Variants in PSD3 observed in about 807,000 individuals in gnomAD.
PSD3 encodes pleckstrin and Sec7 domain containing 3.
A neutral mutation model predicts 105.5 loss-of-function variants in PSD3; 49 were observed. The observed-to-expected ratio is 0.46, with a 90% confidence interval of 0.37 to 0.59. PSD3 has a LOEUF of 0.59. Ranked by LOEUF, PSD3 falls within the 20% of genes least tolerant of loss-of-function variation. The pLI, the probability that PSD3 is intolerant of heterozygous loss-of-function variation, is 0.00. For synonymous variants in PSD3, 557 were observed against 457.8 expected, an observed-to-expected ratio of 1.22 and a Z score of -2.77; for missense variants, 1,561 against 1,263.8, an observed-to-expected ratio of 1.24 and a Z score of -3.57.
chr8:18,558,229 A>C (rs994890845), intron 14 of PSD3, among the ~76,000 whole-genome samples: 1 of 152,192 alleles, frequency 6.6e-6, no homozygotes, highest in African/African-American at 2.4e-5. Flanking sequence ...TTTCTTTCAA[A>C]GTTGTTTTCC....
chr8:18,889,241 ACTC>A (rs1818631306), intron 2 of PSD3, among the ~76,000 whole-genome samples: 1 of 151,452 alleles, frequency 6.6e-6, no homozygotes. Flanking sequence ...GCCATCTTCA[ACTC>A]CTCAATTGTT....
At chr8:18,936,541 A>T (rs1317891823) in intron 1 of PSD3, among the ~76,000 whole-genome samples, 7 of 152,272 alleles carry the variant, frequency 4.6e-5, no homozygotes, top group Admixed American at 3.9e-4. Context: ...AAGCAGGTGG[A>T]TCACGATGTC....
chr8:18,732,756 C>G (rs1803859800), intron 9 of PSD3: 1 of 152,238 alleles, frequency 6.6e-6, no homozygotes, highest in South Asian at 2.1e-4. Context: ...ACTCTACACT[C>G]CTGATGAATG....
intron 1 of PSD3, among the ~76,000 whole-genome samples, chr8:18,996,345 T>C (rs1826079062): frequency 6.6e-6 from 1 of 151,928 alleles, no homozygotes; most frequent in Non-Finnish European, 1.5e-5. Flanking sequence ...CCATGCATAT[T>C]GCATAACTAT....
intron 9 of PSD3, among the ~76,000 whole-genome samples, chr8:18,674,453 T>C (rs542177786): frequency 1.3e-5 from 2 of 152,348 alleles, no homozygotes; most frequent in Admixed American, 1.3e-4. Flanking sequence ...TCTCATTCTT[T>C]GGGTCCTTGA....
At chr8:18,936,854 G>T (rs1822172008) in intron 1 of PSD3, among the ~76,000 whole-genome samples, 1 of 151,868 alleles carries the variant, frequency 6.6e-6, no homozygotes, top group Non-Finnish European at 1.5e-5. Flanking sequence ...ATTTCTTTGT[G>T]TGGCTTCTGT....
chr8:19,074,592 CATATATATATAT>C (rs1240382273), intron 1 of PSD3, among the ~76,000 whole-genome samples: 3 of 65,992 alleles, frequency 4.5e-5, no homozygotes, highest in African/African-American at 1.2e-4. Context: ...CAGATATATA[CATATATATATAT>C]ATATATATTT....
intron 15 of PSD3, among the ~76,000 whole-genome samples, chr8:18,537,504 C>G (rs1374216852): frequency 6.6e-6 from 1 of 152,204 alleles, no homozygotes; most frequent in Non-Finnish European, 1.5e-5. Context: ...ACTACAAAGA[C>G]TGATAAAACC....
intron 9 of PSD3, among the ~76,000 whole-genome samples, chr8:18,747,105 G>A (rs1306151966): frequency 6.6e-6 from 1 of 152,174 alleles, no homozygotes; most frequent in Non-Finnish European, 1.5e-5. Flanking sequence ...ATTGAAAAGG[G>A]CTTCTCAAAC....
At chr8:18,783,281 G>A (rs7839578) in intron 8 of PSD3, among the ~76,000 whole-genome samples, 18,614 of 152,118 alleles carry the variant, frequency 0.12, 2,273 homozygotes, top group East Asian at 0.47. Context: ...TTCACTTACA[G>A]TAGTTACTTC....
At chr8:18,820,819 A>T (rs1195196825) in intron 4 of PSD3, among the ~76,000 whole-genome samples, 2 of 152,246 alleles carry the variant, frequency 1.3e-5, no homozygotes, top group Admixed American at 1.3e-4. Flanking sequence ...GCTGGAGTGC[A>T]GTGGCGGAAC....
chr8:18,981,033 C>T (rs948047360), intron 1 of PSD3, among the ~76,000 whole-genome samples: 15 of 152,222 alleles, frequency 9.9e-5, no homozygotes, highest in African/African-American at 3.6e-4. Context: ...GTTATTTGCA[C>T]CCTGGCTCCC....
At chr8:18,759,785 A>T (rs1000221411) in intron 9 of PSD3, among the ~76,000 whole-genome samples, 1 of 152,068 alleles carries the variant, frequency 6.6e-6, no homozygotes, top group Non-Finnish European at 1.5e-5. Context: ...ACCATTTGCC[A>T]GGATCTTCTT....
At position 18,535,210 on chromosome 8, in the gene PSD3, C is replaced by G. The variant is rs1799786900; in HGVS notation, c.*533G>C. 1 of 158,588 alleles carries G rather than the reference C, an allele frequency of 6.3e-6. No individual in the cohort carries two copies. Among genetic ancestry groups the G allele is most frequent in the Admixed American group, 6.0e-5 (1 of 16,634 alleles). 9.8% of individuals were successfully genotyped at this position (158,588 alleles called of 1,614,324 possible). On this transcript the variant is annotated 3_prime_UTR_variant, in exon 16 of 16. Transcript: ENST00000327040. ...AGTGCTAAGCTGCACATGAAGCTGC[C>G]TCATATTGGAGCAACTAGATTCCCA...
chr8:18,963,503 GCAAAGCATCAA>G (rs1228119998), intron 1 of PSD3, among the ~76,000 whole-genome samples: 1 of 151,896 alleles, frequency 6.6e-6, no homozygotes, highest in African/African-American at 2.4e-5. Flanking sequence ...CAACTAAATT[GCAAAGCATCAA>G]CAAGACAAAT....
intron 11 of PSD3, among the ~76,000 whole-genome samples, chr8:18,625,929 C>T (rs895532227): frequency 7.3e-6 from 1 of 137,286 alleles, no homozygotes. Context: ...ATGTTGTTTC[C>T]AGTTTCTTTC....
chr8:18,790,152 A>G (rs144804728), intron 8 of PSD3, among the ~76,000 whole-genome samples: 216 of 152,264 alleles, frequency 1.4e-3, no homozygotes, highest in African/African-American at 4.8e-3. Context: ...ATAGAATCCA[A>G]CAAAATTGAC....
At chr8:18,777,312 A>T (rs1808197483) in intron 8 of PSD3, among the ~76,000 whole-genome samples, 1 of 152,196 alleles carries the variant, frequency 6.6e-6, no homozygotes, top group African/African-American at 2.4e-5. Flanking sequence ...AAGTGCTGGG[A>T]TTACAAGTGT....
intron 1 of PSD3, among the ~76,000 whole-genome samples, chr8:18,987,135 T>A (rs534856529): frequency 1.3e-5 from 2 of 152,238 alleles, no homozygotes; most frequent in Non-Finnish European, 1.5e-5. Context: ...ACATTTTCAC[T>A]CCACCCTTTT....
Sources: allele counts gnomAD v4.1 joint callset (sites outside exome capture counted in the v4.1 genomes callset), GRCh38; gene constraint gnomAD v4.1.1; transcripts MANE v1.5; gene names NCBI Gene and HGNC (gene_info 2026-07-23, HGNC 2026-07-21).